The following EFCAB7 variants were observed in gnomAD, a reference collection of about 807,000 sequenced individuals.
The protein encoded by EFCAB7 is EF-hand calcium-binding domain-containing protein 7.
EFCAB7 carries 66 observed loss-of-function variants against 77.1 expected under a neutral mutation model. The observed-to-expected ratio is 0.86, with a 90% confidence interval of 0.70 to 1.05. EFCAB7 has a LOEUF of 1.05. Among genes scored for constraint, EFCAB7 ranks in the 50% least tolerant of loss-of-function variants. The probability of loss-of-function intolerance (pLI) is 0.00; values close to 1 mark genes in which losing one functional copy is unlikely to be tolerated. For missense variants in EFCAB7, 638 were observed against 730.5 expected, an observed-to-expected ratio of 0.87 and a Z score of 1.46; for synonymous variants, 225 against 243.3, an observed-to-expected ratio of 0.92 and a Z score of 0.70.
downstream of EFCAB7, chr1:63,572,776 G>T (rs1647304269): frequency 1.5e-6 from 1 of 645,176 alleles, no homozygotes; most frequent in African/African-American, 2.0e-5. Flanking sequence ...CCTGGGTGCA[G>T]GTGGGCTGAG....
At chr1:63,568,211 A>C in intron 11 of EFCAB7, 99 bp from the exon 12 acceptor site, 1 of 1,006,872 alleles carries the variant, frequency 9.9e-7, no homozygotes, top group Non-Finnish European at 1.4e-6. Flanking sequence ...TTAGAAGGAC[A>C]AGCTAGAAGG....
intron 6 of EFCAB7, among the ~76,000 whole-genome samples, chr1:63,539,678 C>CT (rs1646805318): frequency 6.6e-6 from 1 of 152,108 alleles, no homozygotes. Flanking sequence ...GACTAGACTG[C>CT]TTTTTAGATT....
rs766476295 is a variant in EFCAB7 at position 63,533,544 on chromosome 1, T to G, written c.577T>G (p.Phe193Val). ...TGACAGTAAATTGATGCGTCACCAG[T>G]TTGGAAACCACATCGAAGGGTCCCC... ...EVDSKLMRHQFGNHIEGSPER... is the reference protein window; with the variant it reads ...EVDSKLMRHQVGNHIEGSPER... The change falls in exon 5 of 14, where the codon TTT becomes GTT. Residue 193 changes from phenylalanine (F) to valine (V), a missense_variant. Transcript: ENST00000371088. 5 of 1,613,336 alleles carry G rather than the reference T, an allele frequency of 3.1e-6. No individual in the cohort carries two copies. In the East Asian group the frequency reaches 8.9e-5, roughly 29 times the overall value.
At chr1:63,541,754 G>T (rs543146391) in intron 6 of EFCAB7, among the ~76,000 whole-genome samples, 8 of 151,976 alleles carry the variant, frequency 5.3e-5, no homozygotes, top group African/African-American at 1.4e-4. Context: ...GTAGAGATGG[G>T]GTTTCACCAT....
Position 63,561,807 on chromosome 1 carries a change from T to C in EFCAB7, c.1447T>C (p.Trp483Arg), listed in dbSNP as rs753321703. ...TCGAGAAGGAGATCCTTGTGACCTT[T>C]GGGTAACTCTACACTCTATGGGCTA... Reference protein sequence around the residue: ...NDREGDPCDLWVTLHSMGYNK... With the variant: ...NDREGDPCDLRVTLHSMGYNK... The change falls in exon 11 of 14, where the codon TGG becomes CGG. Residue 483 changes from tryptophan to arginine, a missense_variant. Physicochemically the swap from Trp to Arg is moderately radical, Grantham distance 101 (BLOSUM62 -3). Coordinates refer to ENST00000371088, the MANE Select transcript of EFCAB7 (RefSeq NM_032437.4). 1 of 1,608,928 alleles carries C rather than the reference T, an allele frequency of 6.2e-7. No homozygotes were observed. Among genetic ancestry groups the C allele is most frequent in the Non-Finnish European group, 8.5e-7 (1 of 1,176,820 alleles).
chr1:63,523,835 A>G (rs1646524521), intron 1 of EFCAB7, among the ~76,000 whole-genome samples: 2 of 152,158 alleles, frequency 1.3e-5, no homozygotes, highest in Non-Finnish European at 2.9e-5. Flanking sequence ...CTGTGACGGT[A>G]TTTCACTGTG....
At chr1:63,532,097 C>T in intron 3 of EFCAB7, 66 bp downstream of exon 3, 1 of 1,153,002 alleles carries the variant, frequency 8.7e-7, no homozygotes, top group Non-Finnish European at 1.3e-6. Context: ...CTAGCTTTGA[C>T]TACCAAAGTC....
chr1:63,559,301 C>CA (rs71052490), intron 10 of EFCAB7, among the ~76,000 whole-genome samples: 4,235 of 61,994 alleles, frequency 0.068, 399 homozygotes, highest in East Asian at 0.16. Context: ...GACTCTGTCT[C>CA]AAAAAAAAAA....
At chr1:63,529,673 A>G (rs980497321) in intron 2 of EFCAB7, 14 of 151,716 alleles carry the variant, frequency 9.2e-5, no homozygotes, top group East Asian at 2.0e-4. Flanking sequence ...AGATTACACC[A>G]TTGCACTCCA....
At chr1:63,526,786 A>G (rs990457434) in intron 2 of EFCAB7, among the ~76,000 whole-genome samples, 1 of 151,390 alleles carries the variant, frequency 6.6e-6, no homozygotes, top group African/African-American at 2.4e-5. Context: ...TTTTTTTGAG[A>G]CGGAGTCTTG....
chr1:63,544,761 A>G (rs1248112157), intron 6 of EFCAB7, among the ~76,000 whole-genome samples: 1 of 151,910 alleles, frequency 6.6e-6, no homozygotes, highest in East Asian at 1.9e-4. Flanking sequence ...ACTTGAAGCA[A>G]TTATTTTGCT....
chr1:63,538,782 G>T (rs1646794496), intron 6 of EFCAB7, among the ~76,000 whole-genome samples: 1 of 152,118 alleles, frequency 6.6e-6, no homozygotes, highest in African/African-American at 2.4e-5. Context: ...AGTAAGCATT[G>T]TATGTTTAAT....
chr1:63,568,162 A>C, intron 11 of EFCAB7, 148 bp from the exon 12 acceptor site: 6 of 552,200 alleles, frequency 1.1e-5, no homozygotes, highest in Non-Finnish European at 1.2e-5. Flanking sequence ...CTTGCTTATT[A>C]CTCAATTCAT....
chr1:63,556,221 C>T (rs1647028864), intron 9 of EFCAB7, among the ~76,000 whole-genome samples: 2 of 151,814 alleles, frequency 1.3e-5, no homozygotes, highest in Admixed American at 6.6e-5. Context: ...TATATTGTAT[C>T]CTTGAAAATT....
intron 12 of EFCAB7, 165 bp from the exon 13 acceptor site, chr1:63,570,856 A>C: frequency 2.3e-6 from 1 of 442,138 alleles, no homozygotes; most frequent in Non-Finnish European, 4.1e-6. Context: ...TTGGAAAGAA[A>C]ATCAATGAGA....
intron 13 of EFCAB7, among the ~76,000 whole-genome samples, chr1:63,571,670 CAAAAAAAAAAAAAAAA>C (rs10605515): frequency 1.5e-5 from 1 of 65,314 alleles, no homozygotes; most frequent in Non-Finnish European, 2.7e-5. Flanking sequence ...GACTCTGTCT[CAAAAAAAAAAAAAAAA>C]AAAAAAAAAG....
intron 2 of EFCAB7, chr1:63,529,054 A>G (rs1266812361): frequency 6.6e-6 from 1 of 152,142 alleles, no homozygotes; most frequent in African/African-American, 2.4e-5. Context: ...TAAAACACAT[A>G]TTGCCATTTC....
At chr1:63,564,141 T>G (rs1450095580) in intron 11 of EFCAB7, among the ~76,000 whole-genome samples, 1 of 152,174 alleles carries the variant, frequency 6.6e-6, no homozygotes, top group Non-Finnish European at 1.5e-5. Context: ...TTAAGTAACA[T>G]CCCATAATCT....
Position 63,551,809 on chromosome 1 carries a change from G to A in EFCAB7, c.1031G>A (p.Cys344Tyr). 1 of 1,593,314 alleles carries A rather than the reference G, an allele frequency of 6.3e-7. No individual in the cohort carries two copies. The highest frequency in any genetic ancestry group is 8.5e-7 in the Non-Finnish European group (1 of 1,169,612). ...NESQANLQLV[C>Y]FTELRNREVF... is the part of the protein sequence containing the mutation. ...AGTCAAGCAAATCTACAGCTTGTGT[G>A]TTTTACCGAACTACGAAATAGAGAA... The change falls in exon 8 of 14, where the codon TGT becomes TAT. Residue 344 changes from cysteine (C) to tyrosine (Y), a missense_variant. Coordinates refer to ENST00000371088, the MANE Select transcript of EFCAB7 (RefSeq NM_032437.4).
Sources: gnomAD v4.1 joint callset for allele counts (sites outside exome capture counted in the v4.1 genomes callset) on GRCh38, gnomAD v4.1.1 for gene constraint, MANE v1.5 for transcripts, NCBI Gene and HGNC (gene_info 2026-07-23, HGNC 2026-07-21) for gene names.